The following TGFBR3 variants were observed in gnomAD, a reference collection of about 807,000 sequenced individuals.
The protein encoded by TGFBR3 is transforming growth factor beta receptor 3.
In TGFBR3, 46 loss-of-function variants were observed where a neutral mutation model predicts 87.9. The observed-to-expected ratio is 0.52, with a 90% CI of 0.41 to 0.67. The LOEUF is 0.67. TGFBR3 is among the 30% of genes least tolerant of loss of function. The pLI, the probability that TGFBR3 is intolerant of heterozygous loss-of-function variation, is 0.00. For synonymous variants in TGFBR3, 381 were observed against 391.6 expected, an observed-to-expected ratio of 0.97 and a Z score of 0.32; for missense variants, 866 against 1,041.9, an observed-to-expected ratio of 0.83 and a Z score of 2.32.
At chr1:91,791,599 A>C (rs1320246700) in intron 3 of TGFBR3, among the ~76,000 whole-genome samples, 1 of 152,242 alleles carries the variant, frequency 6.6e-6, no homozygotes. Context: ...CTAACAAAGC[A>C]GACTCAGCAG....
chr1:91,818,642 A>G (rs1356768980), intron 2 of TGFBR3, among the ~76,000 whole-genome samples: 1 of 152,232 alleles, frequency 6.6e-6, no homozygotes, highest in African/African-American at 2.4e-5. Flanking sequence ...GGGAGTATTC[A>G]GAGATGTAAT....
chr1:91,747,718 A>T (rs549304576), intron 4 of TGFBR3, among the ~76,000 whole-genome samples: 195 of 152,322 alleles, frequency 1.3e-3, no homozygotes, highest in Non-Finnish European at 2.4e-3. Context: ...CTCCATAATC[A>T]GGTGGCACTA....
At position 91,800,255 on chromosome 1, in the gene TGFBR3, T is replaced by TACAC. The variant is rs67343577; in HGVS notation, c.62-2788_62-2785dup. On this transcript the variant is annotated intron_variant, in intron 2 of 16. Coordinates refer to ENST00000212355, the MANE Select transcript of TGFBR3 (RefSeq NM_003243.5). ...AAAAAAAAAAAAATATATATATATA[T>TACAC]ACACACACACACACACACACACACT... is the stretch of plus-strand genomic sequence containing the variant. Among the ~76,000 whole-genome samples the TACAC allele has an allele frequency of 9.3e-3, 831 of 89,170 alleles. 5 individuals carry two copies. The highest frequency in any genetic ancestry group is 0.022 in the Middle Eastern group (3 of 134). 58.5% of individuals were successfully genotyped at this position (89,170 alleles called of 152,430 possible).
intron 12 of TGFBR3, among the ~76,000 whole-genome samples, chr1:91,714,171 A>C (rs1363204782): frequency 1.3e-5 from 2 of 152,082 alleles, no homozygotes; most frequent in East Asian, 3.9e-4. Context: ...CTGGGCACCG[A>C]GACTCAGTTT....
intron 2 of TGFBR3, among the ~76,000 whole-genome samples, chr1:91,849,378 C>G (rs1245853088): frequency 3.3e-5 from 5 of 152,014 alleles, no homozygotes; most frequent in Non-Finnish European, 7.4e-5. Context: ...GCACCTGGCC[C>G]ACCTGCTATT....
rs140858518 is a variant in TGFBR3, at chr1:91,705,741, T to G, written c.2287+2922A>C. Among the ~76,000 whole-genome samples the G allele has an allele frequency of 4.5e-3, 688 of 152,330 alleles. 5 individuals carry two copies. Among genetic ancestry groups the G allele is most frequent in the African/African-American group, 0.015 (611 of 41,582 alleles). ...GCATACAGCCCCTGGGAAGCTGGCC[T>G]ACAGTTTAACCGCCTCAATTTATTT... On this transcript the variant is annotated intron_variant, in intron 14 of 16. Transcript: ENST00000212355.
rs537284549 is a variant in TGFBR3, at chr1:91,863,100, G to A, written c.-113-1456C>T. On this transcript the variant is annotated intron_variant, in intron 1 of 16. Coordinates refer to ENST00000212355, the MANE Select transcript of TGFBR3 (RefSeq NM_003243.5). ...GAAATAGGGTGACTGCAGGACAGGG[G>A]TGGGAGGGAGCAGAAGCTTTTCACT... Among the ~76,000 whole-genome samples, 4 of 152,308 alleles carry A rather than the reference G, an allele frequency of 2.6e-5. No homozygotes were observed. In the South Asian group the frequency reaches 8.3e-4, roughly 32 times the overall value.
chr1:91,895,941 T>C, intron 2 of TGFBR3, among the ~76,000 whole-genome samples: 1 of 152,172 alleles, frequency 6.6e-6, no homozygotes, highest in East Asian at 1.9e-4. Flanking sequence ...CAGTCCTGTT[T>C]ACCCTCAAAT....
intron 4 of TGFBR3, among the ~76,000 whole-genome samples, chr1:91,739,501 C>T (rs1358111601): frequency 6.6e-6 from 1 of 152,212 alleles, no homozygotes; most frequent in Non-Finnish European, 1.5e-5. Flanking sequence ...AGCACACCTT[C>T]TGCACTTTCA....
chr1:91,881,645 C>T (rs1056274693), intron 1 of TGFBR3, among the ~76,000 whole-genome samples: 10 of 152,056 alleles, frequency 6.6e-5, no homozygotes, highest in Non-Finnish European at 7.4e-5. Context: ...AAGCGCAATG[C>T]TAAGATTTAA....
chr1:91,755,804 T>C (rs1414625627), intron 4 of TGFBR3, among the ~76,000 whole-genome samples: 1 of 152,156 alleles, frequency 6.6e-6, no homozygotes, highest in Non-Finnish European at 1.5e-5. Context: ...AGTACAACTA[T>C]GACATACGTA....
intron 2 of TGFBR3, among the ~76,000 whole-genome samples, chr1:91,816,583 A>G (rs1434762966): frequency 1.3e-5 from 2 of 152,204 alleles, no homozygotes; most frequent in Non-Finnish European, 2.9e-5. Context: ...CAAGTGTACC[A>G]CCTATTTCAG....
intron 12 of TGFBR3, among the ~76,000 whole-genome samples, chr1:91,713,569 G>T (rs940683328): frequency 2.6e-5 from 4 of 152,174 alleles, no homozygotes; most frequent in African/African-American, 9.7e-5. Flanking sequence ...AAAAGACATG[G>T]AGATAGAAAC....
intron 3 of TGFBR3, among the ~76,000 whole-genome samples, chr1:91,784,718 G>T (rs1372743269): frequency 1.3e-5 from 2 of 152,132 alleles, no homozygotes; most frequent in Non-Finnish European, 1.5e-5. Flanking sequence ...GGGGCAAGGG[G>T]TTTAGCTGGT....
At chr1:91,684,173 C>A (rs1266145513) in intron 16 of TGFBR3, among the ~76,000 whole-genome samples, 1 of 152,150 alleles carries the variant, frequency 6.6e-6, no homozygotes, top group Non-Finnish European at 1.5e-5. Context: ...ATGAAATCAC[C>A]ACCACTTGGT....
intron 2 of TGFBR3, among the ~76,000 whole-genome samples, chr1:91,845,108 G>C (rs1677421783): frequency 6.6e-6 from 1 of 152,310 alleles, no homozygotes; most frequent in Non-Finnish European, 1.5e-5. Flanking sequence ...TCCAAGTTGA[G>C]TAATAAACAG....
At chr1:91,693,905 AATTC>A (rs1671345262) in intron 16 of TGFBR3, among the ~76,000 whole-genome samples, 1 of 152,200 alleles carries the variant, frequency 6.6e-6, no homozygotes, top group African/African-American at 2.4e-5. Context: ...TGCTCTGCTA[AATTC>A]TGTCTTTCTG....
intron 16 of TGFBR3, among the ~76,000 whole-genome samples, chr1:91,692,733 T>C (rs1414519465): frequency 6.6e-6 from 1 of 152,156 alleles, no homozygotes; most frequent in African/African-American, 2.4e-5. Context: ...TAAGGGAATA[T>C]CTCTTATTGT....
intron 2 of TGFBR3, among the ~76,000 whole-genome samples, chr1:91,856,223 T>C (rs576707513): frequency 1.3e-5 from 2 of 152,150 alleles, no homozygotes; most frequent in East Asian, 1.9e-4. Context: ...CCACCGCGCG[T>C]GGCTAATTTT....
Sources: gnomAD v4.1 joint callset for allele counts (sites outside exome capture counted in the v4.1 genomes callset) on GRCh38, gnomAD v4.1.1 for gene constraint, MANE v1.5 for transcripts, NCBI Gene and HGNC (gene_info 2026-07-23, HGNC 2026-07-21) for gene names.